Variants in GOLM1 observed in about 807,000 individuals in gnomAD.
GOLM1 encodes the protein golgi membrane protein 1, also known as epididymis luminal protein 46.
GOLM1 carries 31 observed loss-of-function variants against 50.5 expected under a neutral mutation model. The observed-to-expected ratio is 0.61, with a 90% confidence interval of 0.46 to 0.83. GOLM1 has a LOEUF of 0.83. Ranked by LOEUF, GOLM1 falls within the 40% of genes least tolerant of loss-of-function variation. The pLI is 0.00. For missense variants in GOLM1, 491 were observed against 501.3 expected, an observed-to-expected ratio of 0.98 and a Z score of 0.20; for synonymous variants, 178 against 192.8, an observed-to-expected ratio of 0.92 and a Z score of 0.64.
intron 7 of GOLM1, among the ~76,000 whole-genome samples, chr9:86,035,866 C>T (rs1041672903): frequency 2.1e-5 from 1 of 46,740 alleles, no homozygotes; most frequent in African/African-American, 9.2e-5. Flanking sequence ...AGTAGCTTAC[C>T]AAAAAAAAAA....
chr9:86,052,952 C>T (rs1430913702), intron 3 of GOLM1, among the ~76,000 whole-genome samples: 2 of 84,518 alleles, frequency 2.4e-5, no homozygotes, highest in Admixed American at 2.7e-4. Context: ...TCACACCGCA[C>T]CACACCACAC....
At chr9:86,042,641 T>C (rs771605218) in intron 5 of GOLM1, among the ~76,000 whole-genome samples, 4 of 152,158 alleles carry the variant, frequency 2.6e-5, no homozygotes, top group Non-Finnish European at 2.9e-5. Context: ...GCACAGGAGC[T>C]GAAACATAGC....
chr9:86,095,362 G>A (rs1835326234), intron 1 of GOLM1, among the ~76,000 whole-genome samples: 2 of 151,526 alleles, frequency 1.3e-5, no homozygotes, highest in Admixed American at 1.3e-4. Flanking sequence ...CCAGGTAGCT[G>A]GAATTACAGG....
intron 1 of GOLM1, among the ~76,000 whole-genome samples, chr9:86,096,840 G>T (rs1268553917): frequency 6.6e-6 from 1 of 152,070 alleles, no homozygotes; most frequent in Non-Finnish European, 1.5e-5. Flanking sequence ...ACATACAGAA[G>T]AGTGTTAAAA....
Position 86,041,474 on chromosome 9 carries a change from G to C in GOLM1, c.468-606C>G, listed in dbSNP as rs188025529. Among the ~76,000 whole-genome samples, 823 of 152,302 alleles carry C rather than the reference G, an allele frequency of 5.4e-3. 10 individuals are homozygous for C. Among genetic ancestry groups the C allele is most frequent in the South Asian group, 0.033 (158 of 4,822 alleles). On this transcript the variant is annotated intron_variant, in intron 5 of 9. Coordinates refer to ENST00000388712, the MANE Select transcript of GOLM1 (RefSeq NM_016548.4). ...AAACACTCAGACAAACTCCGGACCAGAAGGCTTGGGGAGCTTTCTGGCTGG... is the reference window on the plus strand; with the variant it reads ...AAACACTCAGACAAACTCCGGACCACAAGGCTTGGGGAGCTTTCTGGCTGG...
intron 3 of GOLM1, among the ~76,000 whole-genome samples, chr9:86,060,876 CAAAAAAAAAAAAAAA>C (rs753183065): frequency 0.02 from 402 of 19,874 alleles, 4 homozygotes; most frequent in South Asian, 0.044. Context: ...GAAACTCTCT[CAAAAAAAAAAAAAAA>C]AAAAAAAAAA....
chr9:86,081,821 G>A (rs113883565), intron 1 of GOLM1, among the ~76,000 whole-genome samples: 2,649 of 151,192 alleles, frequency 0.018, 84 homozygotes, highest in African/African-American at 0.06. Context: ...CCCATGAGGC[G>A]GAGCTTGCAG....
chr9:86,067,380 C>A (rs1834336371), intron 3 of GOLM1, among the ~76,000 whole-genome samples: 1 of 152,176 alleles, frequency 6.6e-6, no homozygotes. Context: ...TAGTTAGGCC[C>A]CTTAAAAACC....
chr9:86,051,752 C>G (rs1263385612), intron 4 of GOLM1, among the ~76,000 whole-genome samples: 2 of 152,064 alleles, frequency 1.3e-5, no homozygotes, highest in South Asian at 4.2e-4. Context: ...ACTCCCACCC[C>G]CGCAGCCAGG....
rs932944367 is a variant in GOLM1, at chr9:86,027,115, C to CAAAGT, written c.*697_*701dup. Reference sequence around the variant, plus strand: ...GATGTTGCTTTGCCCACACACGAAGCAAAGTAAATAAAGACCACAAATGTT... The same window carrying CAAAGT: ...GATGTTGCTTTGCCCACACACGAAGCAAAGTAAAGTAAATAAAGACCACAAATGTT... On this transcript the variant is annotated 3_prime_UTR_variant, in exon 10 of 10. Coordinates refer to ENST00000388712, the MANE Select transcript of GOLM1 (RefSeq NM_016548.4). The CAAAGT allele has an allele frequency of 1.0e-6, 1 of 984,374 alleles. No homozygotes were observed. The highest frequency in any genetic ancestry group is 1.2e-6 in the Non-Finnish European group (1 of 829,914). The allele number at this position is 984,374 out of a possible 1,614,324, so 61.0% of individuals were successfully genotyped here.
chr9:86,056,655 G>A lies in GOLM1; in HGVS notation c.310-4064C>T, dbSNP rs182840677. Among the ~76,000 whole-genome samples, 730 of 151,912 alleles carry A rather than the reference G, an allele frequency of 4.8e-3. 4 individuals are homozygous for A. The highest frequency in any genetic ancestry group is 0.023 in the South Asian group (110 of 4,806). ...TGAGTAGCTGGGACTACAGGCGCCC[G>A]CCACCACGCCTGGCTAATTTTTTTT... On this transcript the variant is annotated intron_variant, in intron 3 of 9. Transcript: ENST00000388712.
intron 3 of GOLM1, among the ~76,000 whole-genome samples, chr9:86,054,662 A>C (rs1193046825): frequency 2.0e-5 from 3 of 152,204 alleles, no homozygotes; most frequent in African/African-American, 7.2e-5. Context: ...CAGCTCCAAC[A>C]AGTGTGCTCC....
rs1421204095 is a variant in GOLM1 at position 86,076,345 on chromosome 9, C to T, written c.309+1067G>A. ...CTGAGGCAGGAGAATTGCTTGAACC[C>T]GGGAAGCAGAGGTTGCAGTGAGCCA... On this transcript the variant is annotated intron_variant, in intron 3 of 9. Transcript: ENST00000388712. Among the ~76,000 whole-genome samples, 3 of 130,180 alleles carry T rather than the reference C, an allele frequency of 2.3e-5. No homozygotes were observed. In the Admixed American group the frequency reaches 2.8e-4, roughly 12 times the overall value. The allele number at this position is 130,180 out of a possible 152,430, so 85.4% of individuals were successfully genotyped here.
chr9:86,091,397 G>A (rs1466993220), intron 1 of GOLM1, among the ~76,000 whole-genome samples: 2 of 151,486 alleles, frequency 1.3e-5, no homozygotes, highest in African/African-American at 4.9e-5. Flanking sequence ...CCTTTTTGAT[G>A]TAAGGAGTAA....
rs11333722 is a variant in GOLM1, at chr9:86,074,235, TAA to T, written c.309+3175_309+3176del. On this transcript the variant is annotated intron_variant, in intron 3 of 9. Coordinates refer to ENST00000388712, the MANE Select transcript of GOLM1 (RefSeq NM_016548.4). ...CCACAAATGCTAACCTTCTAAGATT[TAA>T]AAAAAAAAAAAAAAAAAAGACAGAC... 8.5e-3 allele frequency among the ~76,000 whole-genome samples: 1,032 copies of T among 121,388 alleles called. 7 individuals carry two copies. Among genetic ancestry groups the T allele is most frequent in the African/African-American group, 0.023 (778 of 33,838 alleles). 79.6% of individuals were successfully genotyped at this position (121,388 alleles called of 152,430 possible).
At chr9:86,039,824 CA>C (rs1321067630) in intron 6 of GOLM1, among the ~76,000 whole-genome samples, 11 of 152,008 alleles carry the variant, frequency 7.2e-5, no homozygotes, top group African/African-American at 2.7e-4. Flanking sequence ...AAAAATTAGC[CA>C]GGTGTGGTGG....
chr9:86,071,714 C>T (rs1834454248), intron 3 of GOLM1, among the ~76,000 whole-genome samples: 1 of 151,828 alleles, frequency 6.6e-6, no homozygotes, highest in South Asian at 2.1e-4. Flanking sequence ...CATAACGCAA[C>T]AGTTAACATA....
At chr9:86,048,692 C>T (rs1005182979) in intron 4 of GOLM1, among the ~76,000 whole-genome samples, 4 of 152,094 alleles carry the variant, frequency 2.6e-5, no homozygotes, top group Non-Finnish European at 5.9e-5. Flanking sequence ...CATGCTTGTT[C>T]GTATGCTTTG....
At chr9:86,098,903 G>A (rs1212596131) in intron 1 of GOLM1, among the ~76,000 whole-genome samples, 2 of 152,164 alleles carry the variant, frequency 1.3e-5, no homozygotes, top group Non-Finnish European at 2.9e-5. Flanking sequence ...CAGCGGCAAC[G>A]TGGACCCCAG....
Sources: gnomAD v4.1 joint callset for allele counts (sites outside exome capture counted in the v4.1 genomes callset) on GRCh38, gnomAD v4.1.1 for gene constraint, MANE v1.5 for transcripts, NCBI Gene and HGNC (gene_info 2026-07-23, HGNC 2026-07-21) for gene names.